The following LDLRAD4 variants were observed in gnomAD, a reference collection of about 807,000 sequenced individuals.
The protein encoded by LDLRAD4 is low-density lipoprotein receptor class A domain-containing protein 4.
In LDLRAD4, 5 loss-of-function variants were observed where a neutral mutation model predicts 17.0. The ratio of observed to expected loss-of-function variants is 0.29; its 90% CI spans 0.15 to 0.62. The LOEUF (loss-of-function observed/expected upper bound fraction) is 0.62. Ranked by LOEUF, LDLRAD4 falls within the 20% of genes least tolerant of loss-of-function variation. LDLRAD4 has a pLI of 0.84. For synonymous variants in LDLRAD4, 168 were observed against 171.8 expected, an observed-to-expected ratio of 0.98 and a Z score of 0.17; for missense variants, 340 against 424.7, an observed-to-expected ratio of 0.80 and a Z score of 1.75.
chr18:13,232,929 G>T (rs915540222), intron 1 of LDLRAD4, among the ~76,000 whole-genome samples: 1 of 152,184 alleles, frequency 6.6e-6, no homozygotes, highest in Non-Finnish European at 1.5e-5. Flanking sequence ...GGTCCTCCTG[G>T]TTCCCTGAAG....
At chr18:13,355,635 G>C (rs564912530) in intron 1 of LDLRAD4, among the ~76,000 whole-genome samples, 1 of 152,136 alleles carries the variant, frequency 6.6e-6, no homozygotes, top group African/African-American at 2.4e-5. Flanking sequence ...ATTTCCAAGA[G>C]TCTGGTTTTT....
chr18:13,281,120 A>G (rs527939245), intron 1 of LDLRAD4, among the ~76,000 whole-genome samples: 7 of 152,208 alleles, frequency 4.6e-5, no homozygotes, highest in Admixed American at 2.6e-4. Flanking sequence ...TTATCAAACA[A>G]AAAGAATTGG....
chr18:13,321,861 CAAAAAAAAA>C (rs57033432), intron 1 of LDLRAD4, among the ~76,000 whole-genome samples: 8 of 62,138 alleles, frequency 1.3e-4, no homozygotes, highest in South Asian at 1.0e-3. Context: ...GACTCCGTCT[CAAAAAAAAA>C]AAAAAAAAAA....
At chr18:13,380,094 G>A (rs1036706863) in intron 1 of LDLRAD4, among the ~76,000 whole-genome samples, 9 of 152,334 alleles carry the variant, frequency 5.9e-5, no homozygotes, top group African/African-American at 2.2e-4. Flanking sequence ...CCGCTGCTTG[G>A]CTGGTGGCCA....
chr18:13,222,941 C>A (rs2041544281), intron 1 of LDLRAD4, among the ~76,000 whole-genome samples: 1 of 152,232 alleles, frequency 6.6e-6, no homozygotes, highest in Non-Finnish European at 1.5e-5. Context: ...CAGGTGCAGA[C>A]ACTGAGAACA....
At chr18:13,227,443 C>G (rs111432655) in intron 1 of LDLRAD4, among the ~76,000 whole-genome samples, 2,489 of 152,262 alleles carry the variant, frequency 0.016, 65 homozygotes, top group African/African-American at 0.057. Flanking sequence ...TGGGGAGACC[C>G]TCATGTACTG....
At chr18:13,557,264 C>G (rs2094493474) in intron 3 of LDLRAD4, among the ~76,000 whole-genome samples, 1 of 152,046 alleles carries the variant, frequency 6.6e-6, no homozygotes. Context: ...CAACACTGTG[C>G]TCCAGCCTGG....
At chr18:13,494,977 C>A (rs1600814685) in intron 3 of LDLRAD4, among the ~76,000 whole-genome samples, 1 of 152,004 alleles carries the variant, frequency 6.6e-6, no homozygotes, top group East Asian at 1.9e-4. Flanking sequence ...GCCTTCAACC[C>A]TGAGACCCGC....
chr18:13,380,966 A>AGTC (rs34991230), intron 1 of LDLRAD4, among the ~76,000 whole-genome samples: 15,106 of 151,986 alleles, frequency 0.099, 1,063 homozygotes, highest in East Asian at 0.24. Context: ...ACTCCAACTC[A>AGTC]GTCTTCCCTG....
intron 1 of LDLRAD4, among the ~76,000 whole-genome samples, chr18:13,374,537 G>A (rs1167477853): frequency 6.6e-6 from 1 of 152,222 alleles, no homozygotes; most frequent in Non-Finnish European, 1.5e-5. Flanking sequence ...CCACATCCCC[G>A]GAATTTGCAG....
At chr18:13,520,957 C>T (rs1310413079) in intron 3 of LDLRAD4, 1 of 152,220 alleles carries the variant, frequency 6.6e-6, no homozygotes, top group Non-Finnish European at 1.5e-5. Context: ...TCCCCACCCT[C>T]GGCACCTCTT....
chr18:13,241,173 T>A (rs573890001), intron 1 of LDLRAD4: 1 of 152,272 alleles, frequency 6.6e-6, no homozygotes, highest in Non-Finnish European at 1.5e-5. Context: ...GTGATCCACC[T>A]GCCTCGGCCT....
intron 3 of LDLRAD4, among the ~76,000 whole-genome samples, chr18:13,554,994 C>G (rs1277064805): frequency 6.6e-6 from 1 of 152,216 alleles, no homozygotes; most frequent in African/African-American, 2.4e-5. Context: ...CTGTGGCCCT[C>G]CTCTCCCAAA....
At chr18:13,394,521 T>C (rs1048188269) in intron 2 of LDLRAD4, among the ~76,000 whole-genome samples, 27 of 152,246 alleles carry the variant, frequency 1.8e-4, no homozygotes, top group African/African-American at 6.0e-4. Context: ...ATAAAAATTA[T>C]AAAGTCAGAA....
Position 13,381,268 on chromosome 18 carries a change from A to G in LDLRAD4, c.-382-6073A>G, listed in dbSNP as rs567819650. Among the ~76,000 whole-genome samples the G allele has an allele frequency of 4.0e-4, 61 of 151,698 alleles. 1 individual carries two copies. In the South Asian group the frequency reaches 0.011, roughly 27 times the overall value. ...TTTTTAGTAGATATGGGGACTTTCT[A>G]TGTTGGCTAGGTGGGTTTCAAACAC... On this transcript the variant is annotated intron_variant, in intron 1 of 5. Transcript: ENST00000359446.
intron 1 of LDLRAD4, among the ~76,000 whole-genome samples, chr18:13,299,258 A>G (rs781220096): frequency 1.6e-4 from 24 of 152,242 alleles, no homozygotes; most frequent in Non-Finnish European, 2.8e-4. Flanking sequence ...TTTCTCAAGC[A>G]TATAGTGTGC....
At chr18:13,637,871 CAAAA>C (rs555640548) in intron 4 of LDLRAD4, among the ~76,000 whole-genome samples, 7 of 71,682 alleles carry the variant, frequency 9.8e-5, no homozygotes, top group Admixed American at 1.5e-4. Flanking sequence ...GTCTCAACAA[CAAAA>C]AAAAAAAAAA....
intron 2 of LDLRAD4, among the ~76,000 whole-genome samples, chr18:13,424,688 G>A (rs574722617): frequency 3.9e-5 from 6 of 152,300 alleles, no homozygotes; most frequent in African/African-American, 1.4e-4. Flanking sequence ...GGGTTTTTCT[G>A]TTTTTGTTTT....
intron 1 of LDLRAD4, among the ~76,000 whole-genome samples, chr18:13,370,750 T>C (rs1232281935): frequency 1.0e-5 from 1 of 96,018 alleles, no homozygotes; most frequent in Non-Finnish European, 2.1e-5. Context: ...TTGCTTTGTC[T>C]CTTAGACTGG....
Sources: gnomAD v4.1 joint callset for allele counts (sites outside exome capture counted in the v4.1 genomes callset) on GRCh38, gnomAD v4.1.1 for gene constraint, MANE v1.5 for transcripts, NCBI Gene and HGNC (gene_info 2026-07-23, HGNC 2026-07-21) for gene names.